RPA3: variants seen among roughly 807,000 people sequenced by gnomAD.
The protein encoded by RPA3 is replication protein A 14 kDa subunit.
In RPA3, 24 loss-of-function variants were observed where a neutral mutation model predicts 13.7. The ratio of observed to expected loss-of-function variants is 1.75; its 90% CI spans 1.27 to 2.46. RPA3 has a LOEUF of 2.46. Among genes scored for constraint, RPA3 ranks in the 30% most tolerant of loss-of-function variants. The probability of loss-of-function intolerance (pLI) is 0.00; values close to 1 mark genes in which losing one functional copy is unlikely to be tolerated. For synonymous variants in RPA3, 59 were observed against 51.2 expected (o/e 1.15, Z -0.65); for missense variants, 183 against 151.0 (o/e 1.21, Z -1.11).
In RPA3 at chr7:7,673,695, A is replaced by C. The variant is rs1779668840; in HGVS notation, c.-758+12135T>G. On this transcript the variant is annotated intron_variant, in intron 4 of 7. Coordinates refer to ENST00000223129, the MANE Select transcript of RPA3 (RefSeq NM_002947.5). ...TTCTCCAAGTTAAATGTGTAAAATC[A>C]CTTCTTTTTCCCCCCCTTTTTTTTT... 2.5e-5 allele frequency among the ~76,000 whole-genome samples: 3 copies of C among 118,164 alleles called. No individual in the cohort carries two copies. In the South Asian group the frequency reaches 8.6e-4, roughly 34 times the overall value. 77.5% of individuals were successfully genotyped at this position (118,164 alleles called of 152,430 possible). A position where few individuals can be genotyped will look rare whatever the true frequency, so the allele number is the denominator to read the frequency against.
At chr7:7,703,993 GAA>G (rs1247258521) in intron 2 of RPA3, among the ~76,000 whole-genome samples, 1 of 151,964 alleles carries the variant, frequency 6.6e-6, no homozygotes, top group Non-Finnish European at 1.5e-5. Flanking sequence ...AGGAAGGAAA[GAA>G]AAGAAAAGAA....
chr7:7,709,053 A>G (rs1307505882), intron 2 of RPA3, among the ~76,000 whole-genome samples: 1 of 152,074 alleles, frequency 6.6e-6, no homozygotes, highest in African/African-American at 2.4e-5. Flanking sequence ...TAAAAATACC[A>G]ATTAACTACT....
intron 2 of RPA3, among the ~76,000 whole-genome samples, chr7:7,708,876 G>T (rs2115166453): frequency 6.6e-6 from 1 of 151,906 alleles, no homozygotes; most frequent in South Asian, 2.1e-4. Context: ...GCAGTTGTAT[G>T]TTTTTAAGAA....
At chr7:7,670,808 GGA>G (rs1036375929) in intron 4 of RPA3, among the ~76,000 whole-genome samples, 3 of 152,158 alleles carry the variant, frequency 2.0e-5, no homozygotes, top group African/African-American at 7.2e-5. Context: ...GCGAACAAAG[GGA>G]GAGAGAGAAC....
At chr7:7,698,106 T>A (rs890490725) in intron 2 of RPA3, among the ~76,000 whole-genome samples, 3 of 152,194 alleles carry the variant, frequency 2.0e-5, no homozygotes, top group African/African-American at 4.8e-5. Flanking sequence ...ACTTACTAAA[T>A]GCCCATGAGT....
At chr7:7,683,134 G>A (rs888793503) in intron 4 of RPA3, among the ~76,000 whole-genome samples, 8 of 152,154 alleles carry the variant, frequency 5.3e-5, no homozygotes, top group Non-Finnish European at 2.9e-5. Context: ...CCTTCTGTTT[G>A]GCACAGTTAA....
intron 4 of RPA3, among the ~76,000 whole-genome samples, chr7:7,661,231 G>A (rs1229420475): frequency 2.0e-5 from 3 of 151,902 alleles, no homozygotes; most frequent in Non-Finnish European, 4.4e-5. Flanking sequence ...TTTTTTCCAA[G>A]GTTCTTAGCT....
chr7:7,711,861 C>G (rs1001473486), intron 2 of RPA3, among the ~76,000 whole-genome samples: 2 of 152,044 alleles, frequency 1.3e-5, no homozygotes, highest in Non-Finnish European at 2.9e-5. Flanking sequence ...TTTAAAAAGT[C>G]CCTTCTTGGA....
chr7:7,668,298 A>G (rs1178365971), intron 4 of RPA3, among the ~76,000 whole-genome samples: 2 of 152,180 alleles, frequency 1.3e-5, no homozygotes, highest in East Asian at 1.9e-4. Flanking sequence ...TAGAGCATAC[A>G]GTAGTCCCCC....
rs148370395 is a variant in RPA3 at position 7,668,008 on chromosome 7, C to G, written c.-758+17822G>C. 7.2e-4 allele frequency among the ~76,000 whole-genome samples: 109 copies of G among 152,220 alleles called. 1 individual carries two copies. The highest frequency in any genetic ancestry group is 2.5e-3 in the African/African-American group (104 of 41,542). The stretch of plus-strand genomic sequence containing the variant: ...AGTGGCTCACTTTCACCCCCGCCTT[C>G]TGGGCTCAAGCAGTCCTCCAACCTC... On this transcript the variant is annotated intron_variant, in intron 4 of 7. Coordinates refer to ENST00000223129, the MANE Select transcript of RPA3 (RefSeq NM_002947.5).
At chr7:7,673,349 CAGCAGCAG>C (rs1482147661) in intron 4 of RPA3, 3 of 1,276,602 alleles carry the variant, frequency 2.3e-6, no homozygotes, top group Non-Finnish European at 3.3e-6. Context: ...GCAGCAGCAG[CAGCAGCAG>C]CAGCAGCAGC....
At chr7:7,700,779 T>C (rs931275190) in intron 2 of RPA3, among the ~76,000 whole-genome samples, 2 of 151,574 alleles carry the variant, frequency 1.3e-5, no homozygotes, top group Non-Finnish European at 2.9e-5. Context: ...TCAAAGCTAC[T>C]CGGGAGGCTG....
intron 4 of RPA3, among the ~76,000 whole-genome samples, chr7:7,671,207 G>A (rs971017340): frequency 2.6e-5 from 4 of 152,142 alleles, no homozygotes; most frequent in African/African-American, 9.7e-5. Context: ...AGTCAGCTTC[G>A]TGTGTCAATA....
intron 6 of RPA3, 196 bp downstream of exon 6, chr7:7,638,874 C>T (rs1464391959): frequency 1.7e-5 from 7 of 404,406 alleles, no homozygotes; most frequent in South Asian, 9.4e-5. Flanking sequence ...TCATGACGCC[C>T]AAAAAATCAT....
intron 4 of RPA3, among the ~76,000 whole-genome samples, chr7:7,646,439 C>T (rs893002942): frequency 3.4e-5 from 5 of 149,236 alleles, no homozygotes; most frequent in African/African-American, 1.2e-4. Context: ...ATAAGTCTCA[C>T]GAGATCTGAT....
chr7:7,640,166 G>A (rs1299755815), intron 5 of RPA3, 154 bp downstream of exon 5: 2 of 765,954 alleles, frequency 2.6e-6, no homozygotes, highest in East Asian at 2.6e-5. Flanking sequence ...GGGCTACAAC[G>A]GCTAAAGAAT....
chr7:7,636,767 A>G lies in RPA3; in HGVS notation c.*233T>C, dbSNP rs892544870. ...TAAAATAGAAACTTAGACTCGGACA[A>G]CTGCTTTATTCTTGCATCTAATCTG... is the stretch of plus-strand genomic sequence containing the variant. On this transcript the variant is annotated 3_prime_UTR_variant, in exon 8 of 8. Coordinates refer to ENST00000223129, the MANE Select transcript of RPA3 (RefSeq NM_002947.5). 2.3e-6 allele frequency: 1 copy of G among 427,792 alleles called. No individual in the cohort carries two copies. The highest frequency in any genetic ancestry group is 4.1e-6 in the Non-Finnish European group (1 of 243,296). 26.5% of individuals were successfully genotyped at this position (427,792 alleles called of 1,614,324 possible).
chr7:7,715,652 G>T (rs915159538), intron 1 of RPA3, among the ~76,000 whole-genome samples: 8 of 152,042 alleles, frequency 5.3e-5, no homozygotes, highest in African/African-American at 1.9e-4. Context: ...TGAAAATAAA[G>T]ATCCACAAAT....
At chr7:7,683,332 A>AT (rs747917117) in intron 4 of RPA3, among the ~76,000 whole-genome samples, 7 of 152,202 alleles carry the variant, frequency 4.6e-5, no homozygotes, top group East Asian at 3.9e-4. Flanking sequence ...CCAGGAATTG[A>AT]TTTTTTCCCC....
Sources: allele counts gnomAD v4.1 joint callset (sites outside exome capture counted in the v4.1 genomes callset), GRCh38; gene constraint gnomAD v4.1.1; transcripts MANE v1.5; gene names NCBI Gene and HGNC (gene_info 2026-07-23, HGNC 2026-07-21).